Variants in TAFA4 observed in about 807,000 individuals in gnomAD.
The protein encoded by TAFA4 is chemokine-like protein TAFA-4.
A neutral mutation model predicts 21.1 loss-of-function variants in TAFA4; 20 were observed. The observed-to-expected ratio is 0.95, with a 90% CI of 0.67 to 1.38. The LOEUF (loss-of-function observed/expected upper bound fraction) is 1.38, where lower values mean the gene tolerates loss of function less well. Among genes scored for constraint, TAFA4 ranks in the 40% most tolerant of loss-of-function variants. The probability of loss-of-function intolerance (pLI) is 0.00; values close to 1 mark genes in which losing one functional copy is unlikely to be tolerated. For missense variants in TAFA4, 211 were observed against 180.9 expected, an observed-to-expected ratio of 1.17 and a Z score of -0.95; for synonymous variants, 71 against 67.4, an observed-to-expected ratio of 1.05 and a Z score of -0.26.
intron 3 of TAFA4, among the ~76,000 whole-genome samples, chr3:68,821,354 T>C (rs1704112354): frequency 6.5e-5 from 1 of 15,376 alleles, no homozygotes; most frequent in Non-Finnish European, 1.2e-4. Context: ...TTTTTTTTTT[T>C]TTTTTTTTTT....
At chr3:68,812,565 G>T (rs926500584) in intron 3 of TAFA4, among the ~76,000 whole-genome samples, 4 of 152,090 alleles carry the variant, frequency 2.6e-5, no homozygotes, top group African/African-American at 7.2e-5. Context: ...ACAAAAATAA[G>T]AAGAGACAAA....
chr3:68,873,378 C>CACACACACACA, intron 3 of TAFA4, among the ~76,000 whole-genome samples: 1 of 71,898 alleles, frequency 1.4e-5, no homozygotes, highest in South Asian at 1.1e-3. Context: ...ACACACACAC[C>CACACACACACA]CTGGGCCAGA....
chr3:68,780,229 C>A (rs1703129440), intron 3 of TAFA4, among the ~76,000 whole-genome samples: 1 of 152,262 alleles, frequency 6.6e-6, no homozygotes, highest in African/African-American at 2.4e-5. Flanking sequence ...GGCTCATAGG[C>A]AGAAAGGACT....
chr3:68,901,503 C>G (rs2089843861), intron 1 of TAFA4, among the ~76,000 whole-genome samples: 1 of 152,044 alleles, frequency 6.6e-6, no homozygotes, highest in South Asian at 2.1e-4. Flanking sequence ...GAAACTCTGT[C>G]TATGCTACCC....
intron 3 of TAFA4, among the ~76,000 whole-genome samples, chr3:68,778,627 C>T (rs1317514052): frequency 2.0e-5 from 3 of 152,198 alleles, no homozygotes; most frequent in African/African-American, 2.4e-5. Flanking sequence ...AGGTGTTCCC[C>T]TGCACAAGCT....
chr3:68,908,572 G>C (rs1012036391), intron 1 of TAFA4, among the ~76,000 whole-genome samples: 9 of 151,794 alleles, frequency 5.9e-5, no homozygotes, highest in Non-Finnish European at 1.3e-4. Flanking sequence ...AAAGTAAGAT[G>C]GAATTCTCCA....
intron 4 of TAFA4, among the ~76,000 whole-genome samples, chr3:68,741,008 CTATT>C (rs1237909566): frequency 2.0e-5 from 3 of 152,226 alleles, no homozygotes; most frequent in East Asian, 1.9e-4. Flanking sequence ...GTCTACATGT[CTATT>C]TATTTTTATG....
chr3:68,820,742 A>G (rs1704095440), intron 3 of TAFA4, among the ~76,000 whole-genome samples: 1 of 152,198 alleles, frequency 6.6e-6, no homozygotes, highest in South Asian at 2.1e-4. Context: ...TATGTGAGGG[A>G]ATACCTATGT....
At position 68,817,015 on chromosome 3, in the gene TAFA4, A is replaced by G. The variant is rs572089724; in HGVS notation, c.130+63715T>C. On this transcript the variant is annotated intron_variant, in intron 3 of 5. Coordinates refer to ENST00000295569, the MANE Select transcript of TAFA4 (RefSeq NM_182522.5). ...GTGGCTGTGGCAATTTCTTAAAGTA[A>G]GACAATAATGAGGTTTGATGCATCA... Among the ~76,000 whole-genome samples, 11 of 152,334 alleles carry G rather than the reference A, an allele frequency of 7.2e-5. No homozygotes were observed. In the South Asian group the frequency reaches 2.3e-3, roughly 32 times the overall value.
chr3:68,754,491 G>C (rs1423361021), intron 3 of TAFA4, among the ~76,000 whole-genome samples: 1 of 152,116 alleles, frequency 6.6e-6, no homozygotes, highest in Non-Finnish European at 1.5e-5. Context: ...TGCATTTTTA[G>C]CAGATTGTCC....
At chr3:68,836,041 T>G (rs1704515172) in intron 3 of TAFA4, among the ~76,000 whole-genome samples, 1 of 152,230 alleles carries the variant, frequency 6.6e-6, no homozygotes, top group African/African-American at 2.4e-5. Context: ...CTACCCCAGC[T>G]AGATCTGTGG....
At chr3:68,887,123 C>G (rs1284975298) in intron 1 of TAFA4, among the ~76,000 whole-genome samples, 1 of 152,164 alleles carries the variant, frequency 6.6e-6, no homozygotes, top group East Asian at 1.9e-4. Context: ...TATCTACTTC[C>G]AAAACACAGT....
chr3:68,854,889 T>C (rs13067547), intron 3 of TAFA4, among the ~76,000 whole-genome samples: 3,996 of 152,150 alleles, frequency 0.026, 126 homozygotes, highest in East Asian at 0.12. Context: ...CAAAAATCAA[T>C]CACAACTTCC....
At chr3:68,808,483 A>G (rs1703752708) in intron 3 of TAFA4, among the ~76,000 whole-genome samples, 1 of 152,160 alleles carries the variant, frequency 6.6e-6, no homozygotes, top group Admixed American at 6.5e-5. Flanking sequence ...TAAAAAAATA[A>G]TCTACTGCCT....
At position 68,888,092 on chromosome 3, in the gene TAFA4, C is replaced by T. The variant is rs369736898; in HGVS notation, c.-122-2782G>A. ...TAAGCACCCAAAAGAAGCCATGCAGCACCTTGAACACTCTCCTGCCACATA... is the reference window on the plus strand; with the variant it reads ...TAAGCACCCAAAAGAAGCCATGCAGTACCTTGAACACTCTCCTGCCACATA... On this transcript the variant is annotated intron_variant, in intron 1 of 5. Transcript: ENST00000295569. 1.8e-4 allele frequency among the ~76,000 whole-genome samples: 28 copies of T among 152,186 alleles called. No individual in the cohort carries two copies. The South Asian group carries it at 3.5e-3, about 19-fold the overall frequency.
At chr3:68,740,312 C>T (rs927543037) in intron 4 of TAFA4, among the ~76,000 whole-genome samples, 2 of 152,162 alleles carry the variant, frequency 1.3e-5, no homozygotes, top group African/African-American at 4.8e-5. Flanking sequence ...AAGTTTGATG[C>T]TGTCAATAGG....
chr3:68,828,684 T>C (rs1304982795), intron 3 of TAFA4, among the ~76,000 whole-genome samples: 1 of 152,216 alleles, frequency 6.6e-6, no homozygotes, highest in South Asian at 2.1e-4. Flanking sequence ...TCTTTGTCTA[T>C]TATTGGTGTA....
intron 3 of TAFA4, among the ~76,000 whole-genome samples, chr3:68,838,993 G>C (rs1450910081): frequency 6.6e-6 from 1 of 152,172 alleles, no homozygotes; most frequent in South Asian, 2.1e-4. Flanking sequence ...AGCTACCCAG[G>C]AGGCTGAGGT....
intron 4 of TAFA4, among the ~76,000 whole-genome samples, chr3:68,743,273 A>T (rs2106736279): frequency 6.6e-6 from 1 of 152,194 alleles, no homozygotes; most frequent in Admixed American, 6.5e-5. Flanking sequence ...AGCAGGTAAA[A>T]CCTAATAAAG....
Sources: allele counts gnomAD v4.1 joint callset (sites outside exome capture counted in the v4.1 genomes callset), GRCh38; gene constraint gnomAD v4.1.1; transcripts MANE v1.5; gene names NCBI Gene and HGNC (gene_info 2026-07-23, HGNC 2026-07-21).